The following RORB variants were observed in gnomAD, a reference collection of about 807,000 sequenced individuals.
The protein encoded by RORB is nuclear receptor ROR-beta.
RORB carries 6 observed loss-of-function variants against 59.1 expected under a neutral mutation model. That is an observed-to-expected ratio of 0.10 (90% confidence interval 0.06 to 0.20). The LOEUF is 0.20. Ranked by LOEUF, RORB falls within the 10% of genes least tolerant of loss-of-function variation. The pLI is 1.00. For missense variants in RORB, 320 were observed against 560.5 expected (o/e 0.57, Z 4.33); for synonymous variants, 215 against 204.5 (o/e 1.05, Z -0.44).
intron 2 of RORB, among the ~76,000 whole-genome samples, chr9:74,631,458 A>G (rs922017865): frequency 8.5e-5 from 1 of 11,786 alleles, no homozygotes; most frequent in Non-Finnish European, 0.015. Context: ...ACAGTCATAG[A>G]GTCTTAAGAT....
At chr9:74,549,518 AGGG>A (rs1320593125) in intron 1 of RORB, among the ~76,000 whole-genome samples, 33,042 of 53,426 alleles carry the variant, frequency 0.62, 12,077 homozygotes, top group African/African-American at 0.74. Flanking sequence ...AAGGGAAAGA[AGGG>A]AGGGAGGGAG....
intron 1 of RORB, among the ~76,000 whole-genome samples, chr9:74,561,100 C>T (rs1822390333): frequency 6.6e-6 from 1 of 152,120 alleles, no homozygotes; most frequent in African/African-American, 2.4e-5. Flanking sequence ...CACTCTTCTA[C>T]ATACTCCCAG....
intron 1 of RORB, among the ~76,000 whole-genome samples, chr9:74,554,866 C>G (rs1306296854): frequency 6.6e-6 from 1 of 152,192 alleles, no homozygotes; most frequent in East Asian, 1.9e-4. Context: ...CATGAGCCAG[C>G]ATCTCCTTTC....
intron 1 of RORB, among the ~76,000 whole-genome samples, chr9:74,581,999 A>G (rs760997162): frequency 2.6e-5 from 4 of 152,198 alleles, no homozygotes; most frequent in Non-Finnish European, 4.4e-5. Context: ...ATCTGTATCA[A>G]TCAGTTCAAA....
chr9:74,663,374 A>T (rs1466139446), intron 6 of RORB, among the ~76,000 whole-genome samples: 1 of 152,148 alleles, frequency 6.6e-6, no homozygotes, highest in Non-Finnish European at 1.5e-5. Context: ...TCCATCTTAC[A>T]GAGGAGGAGG....
At chr9:74,634,586 C>T in intron 2 of RORB, 45 bp from the exon 3 acceptor site, 7 of 1,529,420 alleles carry the variant, frequency 4.6e-6, no homozygotes, top group Non-Finnish European at 6.2e-6. Context: ...TCTCTGTTTC[C>T]CTTCTTATAA....
intron 1 of RORB, among the ~76,000 whole-genome samples, chr9:74,621,927 G>T (rs561878356): frequency 6.6e-6 from 1 of 152,142 alleles, no homozygotes; most frequent in South Asian, 2.1e-4. Context: ...AGAGCACTTT[G>T]TATATTTTGG....
chr9:74,689,255 C>G lies in RORB; in HGVS notation c.*3637C>G, dbSNP rs985583034. 1.3e-5 allele frequency: 2 copies of G among 152,440 alleles called. No homozygotes were observed. Among genetic ancestry groups the G allele is most frequent in the African/African-American group, 4.8e-5 (2 of 41,448 alleles). 9.4% of individuals were successfully genotyped at this position (152,440 alleles called of 1,614,324 possible). ...AGTAGCTGGGATTACAGGCACACGC[C>G]CCCACACCCGGCTAATTTTTGTATT... is the stretch of plus-strand genomic sequence containing the variant. On this transcript the variant is annotated 3_prime_UTR_variant, in exon 10 of 10. Coordinates refer to ENST00000376896, the MANE Select transcript of RORB (RefSeq NM_006914.4).
chr9:74,587,302 G>A (rs577935952), intron 1 of RORB, among the ~76,000 whole-genome samples: 26 of 152,226 alleles, frequency 1.7e-4, no homozygotes, highest in African/African-American at 6.3e-4. Context: ...AGAAGTTACT[G>A]TTATATGCAA....
chr9:74,560,274 T>C (rs1027996499), intron 1 of RORB, among the ~76,000 whole-genome samples: 1 of 152,136 alleles, frequency 6.6e-6, no homozygotes, highest in Non-Finnish European at 1.5e-5. Flanking sequence ...TGCAAAATGT[T>C]TTTAATTTAT....
chr9:74,591,805 C>T (rs1822898096), intron 1 of RORB, among the ~76,000 whole-genome samples: 1 of 152,072 alleles, frequency 6.6e-6, no homozygotes, highest in Admixed American at 6.6e-5. Flanking sequence ...TAATGTACAA[C>T]AAGTAGAAGA....
At chr9:74,516,777 T>G (rs1457792834) in intron 1 of RORB, among the ~76,000 whole-genome samples, 2 of 152,044 alleles carry the variant, frequency 1.3e-5, no homozygotes, top group Non-Finnish European at 2.9e-5. Flanking sequence ...ACATACCTGG[T>G]GCACTTGATT....
Position 74,511,520 on chromosome 9 carries a change from C to T in RORB, c.7+13537C>T, listed in dbSNP as rs557070425. 1.5e-4 allele frequency among the ~76,000 whole-genome samples: 23 copies of T among 151,062 alleles called. No individual in the cohort carries two copies. In the South Asian group the frequency reaches 4.2e-3, roughly 28 times the overall value. On this transcript the variant is annotated intron_variant, in intron 1 of 9. Transcript: ENST00000376896. Reference sequence around the variant, plus strand: ...TCAAAGTGTGGGAGGCACAGTGACCCGGGCCTGTGGTCCTGGCACATAAGG... The same window carrying T: ...TCAAAGTGTGGGAGGCACAGTGACCTGGGCCTGTGGTCCTGGCACATAAGG...
chr9:74,540,709 C>T (rs1417082508), intron 1 of RORB, among the ~76,000 whole-genome samples: 1 of 151,726 alleles, frequency 6.6e-6, no homozygotes, highest in Non-Finnish European at 1.5e-5. Context: ...AATTTAAATG[C>T]TTCTCTGTTG....
chr9:74,561,613 T>G (rs1822397793), intron 1 of RORB, among the ~76,000 whole-genome samples: 1 of 152,154 alleles, frequency 6.6e-6, no homozygotes, highest in Admixed American at 6.6e-5. Context: ...AATTTTAGAC[T>G]TATAGGAAGG....
Position 74,685,547 on chromosome 9 carries a change from A to C in RORB, c.1309A>C (p.Ile437Leu), listed in dbSNP as rs143063509. 2 of 1,613,466 alleles carry C rather than the reference A, an allele frequency of 1.2e-6. No individual in the cohort carries two copies. Among genetic ancestry groups the C allele is most frequent in the Non-Finnish European group, 8.5e-7 (1 of 1,179,498 alleles). ...GGTATTTAAGCAATCTCATCCAGAGATAGTGAATACACTGTTTCCTCCGTT... is the reference window on the plus strand; with the variant it reads ...GGTATTTAAGCAATCTCATCCAGAGCTAGTGAATACACTGTTTCCTCCGTT... ...LQVFKQSHPE[I>L]VNTLFPPLYK... The change falls in exon 10 of 10, where the codon ATA (isoleucine) becomes CTA (leucine). Residue 437 changes from isoleucine to leucine, a missense_variant. Ile to Leu is a conservative substitution (Grantham distance 5). This residue lies in a region of RORB where 109 missense variants were observed against 171.0 expected (regional missense o/e 0.64). Coordinates refer to ENST00000376896, the MANE Select transcript of RORB (RefSeq NM_006914.4).
At chr9:74,543,552 T>C (rs1353442283) in intron 1 of RORB, among the ~76,000 whole-genome samples, 1 of 152,238 alleles carries the variant, frequency 6.6e-6, no homozygotes, top group East Asian at 1.9e-4. Context: ...ATCATGAGGC[T>C]GTTTTCAAAA....
chr9:74,677,678 A>C (rs933268630), intron 9 of RORB, among the ~76,000 whole-genome samples: 2 of 152,258 alleles, frequency 1.3e-5, no homozygotes, highest in Admixed American at 6.5e-5. Context: ...TCTGAGCAAA[A>C]TCTTCTTATC....
chr9:74,623,939 A>T (rs1238687129), intron 1 of RORB, among the ~76,000 whole-genome samples: 2 of 152,196 alleles, frequency 1.3e-5, no homozygotes, highest in Non-Finnish European at 2.9e-5. Context: ...GGAATATTTA[A>T]CTTATCAGTA....
Sources: gnomAD v4.1 joint callset for allele counts (sites outside exome capture counted in the v4.1 genomes callset) on GRCh38, gnomAD v4.1.1 for gene constraint, gnomAD v4.1.1 regional missense constraint, MANE v1.5 for transcripts, NCBI Gene and HGNC (gene_info 2026-07-23, HGNC 2026-07-21) for gene names.